ZDHHC11: variants seen among roughly 807,000 people sequenced by gnomAD.
ZDHHC11 encodes the protein palmitoyltransferase ZDHHC11.
ZDHHC11 carries 44 observed loss-of-function variants against 51.3 expected under a neutral mutation model. The observed-to-expected ratio is 0.86, with a 90% CI of 0.67 to 1.10. The LOEUF is 1.10. Among genes scored for constraint, ZDHHC11 ranks in the 50% least tolerant of loss-of-function variants. The probability of loss-of-function intolerance (pLI) is 0.00; values close to 1 mark genes in which losing one functional copy is unlikely to be tolerated. For synonymous variants in ZDHHC11, 163 were observed against 222.0 expected, an observed-to-expected ratio of 0.73 and a Z score of 2.36; for missense variants, 400 against 537.7, an observed-to-expected ratio of 0.74 and a Z score of 2.53.
At chr5:844,401 G>T (rs1257065191) in intron 3 of ZDHHC11, among the ~76,000 whole-genome samples, 1 of 152,272 alleles carries the variant, frequency 6.6e-6, no homozygotes, top group Non-Finnish European at 1.5e-5. Flanking sequence ...GGTGCGACTC[G>T]CCCAAGCCTA....
chr5:846,926 G>C (rs1386197604), intron 3 of ZDHHC11, among the ~76,000 whole-genome samples: 13 of 151,412 alleles, frequency 8.6e-5, no homozygotes, highest in Admixed American at 1.3e-4. Flanking sequence ...GTGCTCAGGG[G>C]AAAGACCTCT....
chr5:818,940 G>A (rs1456320245), intron 10 of ZDHHC11, among the ~76,000 whole-genome samples: 5 of 151,472 alleles, frequency 3.3e-5, no homozygotes, highest in African/African-American at 4.8e-5. Context: ...CCCTAAAGCC[G>A]GTAGCCACAC....
intron 11 of ZDHHC11, among the ~76,000 whole-genome samples, chr5:812,369 A>T (rs1178586097): frequency 6.6e-6 from 1 of 152,080 alleles, no homozygotes; most frequent in Non-Finnish European, 1.5e-5. Context: ...ACGTGCAGAG[A>T]GCACTTAGTA....
upstream of ZDHHC11, among the ~76,000 whole-genome samples, chr5:859,828 C>T (rs1362523396): frequency 5.9e-5 from 9 of 151,988 alleles, no homozygotes; most frequent in African/African-American, 1.9e-4. Context: ...GTACTCAAGG[C>T]ATTTCCAGTT....
rs373925288 is a variant in ZDHHC11, at chr5:850,653, G to C, written c.-51C>G. The C allele has an allele frequency of 1.6e-5, 26 of 1,586,656 alleles. 1 individual carries two copies. The African/African-American group carries it at 4.0e-4, about 24-fold the overall frequency. On this transcript the variant is annotated 5_prime_UTR_variant, in exon 1 of 13. Coordinates refer to ENST00000283441, the MANE Select transcript of ZDHHC11 (RefSeq NM_024786.3). ...TGCGCCGTCAGATCCTGGGAGGGCC[G>C]GCCCCGCCCACTGTCACAGAGACCA...
upstream of ZDHHC11, among the ~76,000 whole-genome samples, chr5:853,383 G>A (rs538982586): frequency 3.4e-5 from 5 of 146,402 alleles, no homozygotes; most frequent in South Asian, 6.7e-4. Context: ...CAGCGAGCCA[G>A]GGGGACAGAC....
At chr5:832,976 A>C (rs1743249601) in intron 7 of ZDHHC11, among the ~76,000 whole-genome samples, 1 of 150,360 alleles carries the variant, frequency 6.7e-6, no homozygotes, top group Non-Finnish European at 1.5e-5. Flanking sequence ...TTGATAATCC[A>C]AATAGCCCAA....
rs374472178 is a variant in ZDHHC11 at position 850,630 on chromosome 5, C to T, written c.-28G>A. The T allele has an allele frequency of 5.0e-5, 80 of 1,607,528 alleles. No individual in the cohort carries two copies. The African/African-American group carries it at 5.8e-4, about 12-fold the overall frequency. On this transcript the variant is annotated 5_prime_UTR_variant, in exon 1 of 13. Transcript: ENST00000283441. Reference sequence around the variant, plus strand: ...GCAGGACACAGAAGGGGAGGACCTGCGCCGTCAGATCCTGGGAGGGCCGGC... The same window carrying T: ...GCAGGACACAGAAGGGGAGGACCTGTGCCGTCAGATCCTGGGAGGGCCGGC...
intron 8 of ZDHHC11, 91 bp from the exon 9 acceptor site, chr5:821,986 A>T: frequency 8.3e-7 from 1 of 1,207,846 alleles, no homozygotes; most frequent in Non-Finnish European, 1.2e-6. Flanking sequence ...CAGTTCTGAC[A>T]GTCACTTCTG....
At chr5:849,049 C>G (rs917860269) in intron 1 of ZDHHC11, among the ~76,000 whole-genome samples, 1 of 151,642 alleles carries the variant, frequency 6.6e-6, no homozygotes, top group Admixed American at 6.6e-5. Flanking sequence ...CGGCCCTTCA[C>G]ACATGGCCCT....
chr5:848,512 T>C lies in ZDHHC11; in HGVS notation c.371A>G (p.Asn124Ser). The part of the protein sequence containing the change: ...DRSKHAHVIQ[N>S]QFCHLCKVTV... ...GACCTTGCACAGGTGGCAGAACTGA[T>C]TCTGGATCACGTGTGCATGTTTTGA... Residue 124 changes from asparagine to serine, a missense_variant, in exon 2 of 13, where the codon AAT becomes AGT. Asn to Ser is a conservative substitution (Grantham distance 46). Transcript: ENST00000283441. 1 of 1,480,246 alleles carries C rather than the reference T, an allele frequency of 6.8e-7. No individual in the cohort carries two copies. The highest frequency in any genetic ancestry group is 9.1e-7 in the Non-Finnish European group (1 of 1,103,044). The allele number at this position is 1,480,246 out of a possible 1,614,324, so 91.7% of individuals were successfully genotyped here.
At chr5:853,569 CA>C (rs1747645613), upstream of ZDHHC11, among the ~76,000 whole-genome samples, 1 of 143,948 alleles carries the variant, frequency 6.9e-6, no homozygotes, top group African/African-American at 2.6e-5. Flanking sequence ...CAGAGGACAG[CA>C]AGCCCGGGGG....
At position 840,503 on chromosome 5, in the gene ZDHHC11, A is replaced by G; in HGVS notation, c.776T>C (p.Ile259Thr). 1 of 1,613,678 alleles carries G rather than the reference A, an allele frequency of 6.2e-7. No individual in the cohort carries two copies. The highest frequency in any genetic ancestry group is 8.5e-7 in the Non-Finnish European group (1 of 1,179,876). ...VHLGQLLIFH[I>T]YLKAKKMTTF... is the part of the protein sequence containing the mutation. ...TAGGGTGGGGGACATACTCAGGTAG[A>G]TGTGGAAGATGAGCAGCTGGCCCAG... is the stretch of plus-strand genomic sequence containing the variant. Residue 259 changes from isoleucine to threonine, a missense_variant, in exon 5 of 13, where the codon ATC becomes ACC. By Grantham distance (89) the Ile-to-Thr change is moderately conservative. Around this residue, in one of 5 missense-constraint regions of ZDHHC11, gnomAD observed 231 missense variants for 227.4 expected, o/e 1.02. Transcript: ENST00000283441.
In ZDHHC11 at chr5:816,717, C is replaced by T. The variant is rs531074001; in HGVS notation, c.1147-1922G>A. On this transcript the variant is annotated intron_variant, in intron 10 of 12. Transcript: ENST00000283441. ...TGATGGGAATTCTGACTATTTAGAC[C>T]TCATCTAAGGAGAAGACCATCTTTC... is the stretch of plus-strand genomic sequence containing the variant. The T allele has an allele frequency of 1.9e-4, 108 of 568,142 alleles. 2 individuals are homozygous for T. Among genetic ancestry groups the T allele is most frequent in the South Asian group, 1.6e-3 (103 of 64,896 alleles). The allele number at this position is 568,142 out of a possible 1,614,324, so 35.2% of individuals were successfully genotyped here. A position where few individuals can be genotyped will look rare whatever the true frequency, so the allele number is the denominator to read the frequency against.
At chr5:821,714 G>A (rs1165950947) in intron 9 of ZDHHC11, 147 bp downstream of exon 9, 1 of 723,906 alleles carries the variant, frequency 1.4e-6, no homozygotes, top group Non-Finnish European at 2.2e-6. Flanking sequence ...CAGTTTTGCT[G>A]CTCTCTCGAA....
At chr5:814,692 T>C in intron 11 of ZDHHC11, 69 bp downstream of exon 11, 1 of 1,409,862 alleles carries the variant, frequency 7.1e-7, no homozygotes, top group African/African-American at 1.4e-5. Flanking sequence ...GAACATATTT[T>C]CCTATGTAAT....
chr5:807,479 T>C (rs1157674417), intron 11 of ZDHHC11, among the ~76,000 whole-genome samples: 1 of 151,392 alleles, frequency 6.6e-6, no homozygotes, highest in Non-Finnish European at 1.5e-5. Context: ...CTATCATAAA[T>C]AAACAAAATA....
chr5:807,069 T>A (rs1739365307), intron 11 of ZDHHC11, among the ~76,000 whole-genome samples: 2 of 150,688 alleles, frequency 1.3e-5, no homozygotes, highest in Admixed American at 1.3e-4. Flanking sequence ...CTGGAAGCCA[T>A]CTCCATGCCC....
Position 836,396 on chromosome 5 carries a change from C to T in ZDHHC11, c.900+969G>A, listed in dbSNP as rs568031532. On this transcript the variant is annotated intron_variant, in intron 6 of 12. Transcript: ENST00000283441. ...CCACAGTGCACATTCCTGCCCCGTG[C>T]TGCTCGATTTGGTTTCCCAAGGTCT... Among the ~76,000 whole-genome samples, 14 of 150,354 alleles carry T rather than the reference C, an allele frequency of 9.3e-5. 2 individuals carry two copies. Among genetic ancestry groups the T allele is most frequent in the Non-Finnish European group, 1.5e-4 (10 of 67,334 alleles).
Sources: allele counts gnomAD v4.1 joint callset (sites outside exome capture counted in the v4.1 genomes callset), GRCh38; gene constraint gnomAD v4.1.1; regional missense constraint gnomAD v4.1.1; transcripts MANE v1.5; gene names NCBI Gene and HGNC (gene_info 2026-07-23, HGNC 2026-07-21).